Variants in BMPR1A observed in about 807,000 individuals in gnomAD.
BMPR1A encodes bone morphogenetic protein receptor type-1A.
A neutral mutation model predicts 66.0 loss-of-function variants in BMPR1A; 7 were observed. The ratio of observed to expected loss-of-function variants is 0.11; its 90% CI spans 0.06 to 0.20. BMPR1A has a LOEUF of 0.20. Among genes scored for constraint, BMPR1A ranks in the 10% least tolerant of loss-of-function variants. The pLI is 1.00. For missense variants in BMPR1A, 408 were observed against 669.1 expected (o/e 0.61, Z 4.31); for synonymous variants, 200 against 229.7 (o/e 0.87, Z 1.17).
chr10:86,873,268 C>G (rs982203735), intron 2 of BMPR1A, among the ~76,000 whole-genome samples: 2 of 152,008 alleles, frequency 1.3e-5, no homozygotes, highest in African/African-American at 4.8e-5. Flanking sequence ...TTTCTGGTAC[C>G]TAACACTGGG....
At chr10:86,927,987 G>A (rs1450283049), downstream of BMPR1A, 1 of 177,458 alleles carries the variant, frequency 5.6e-6, no homozygotes, top group Non-Finnish European at 1.2e-5. Flanking sequence ...GATGTGTTTT[G>A]TGATGCTACA....
chr10:86,802,273 GCCCTTA>G, intron 1 of BMPR1A, among the ~76,000 whole-genome samples: 1 of 152,260 alleles, frequency 6.6e-6, no homozygotes, highest in South Asian at 2.1e-4. Flanking sequence ...GTTGGCTTCT[GCCCTTA>G]CCCTGAATCC....
intron 2 of BMPR1A, among the ~76,000 whole-genome samples, chr10:86,863,877 G>C (rs1013420275): frequency 2.0e-5 from 3 of 152,182 alleles, no homozygotes; most frequent in Admixed American, 2.0e-4. Context: ...AAGTGGAAAT[G>C]ATTGATTTTT....
chr10:86,893,883 A>AG (rs1843191369), intron 5 of BMPR1A, among the ~76,000 whole-genome samples: 1 of 152,196 alleles, frequency 6.6e-6, no homozygotes, highest in Non-Finnish European at 1.5e-5. Flanking sequence ...CCTTGTTGCA[A>AG]ATGACTGCAA....
chr10:86,760,793 A>G (rs548457254), intron 1 of BMPR1A, among the ~76,000 whole-genome samples: 2 of 152,232 alleles, frequency 1.3e-5, no homozygotes, highest in African/African-American at 4.8e-5. Flanking sequence ...CCCACCTTTT[A>G]CTAGTTTTTA....
Position 86,925,558 on chromosome 10 carries a change from C to T in BMPR1A, c.*1839C>T. On this transcript the variant is annotated 3_prime_UTR_variant, in exon 13 of 13. Coordinates refer to ENST00000372037, the MANE Select transcript of BMPR1A (RefSeq NM_004329.3). Reference sequence around the variant, plus strand: ...AAGTAAATTTGCATATGGATAATACCCAATAACTTGTTTTTTCAGAATTTT... The same window carrying T: ...AAGTAAATTTGCATATGGATAATACTCAATAACTTGTTTTTTCAGAATTTT... 5.0e-6 allele frequency: 1 copy of T among 199,774 alleles called. No individual in the cohort carries two copies. The highest frequency in any genetic ancestry group is 1.0e-5 in the Non-Finnish European group (1 of 97,114). 12.4% of individuals were successfully genotyped at this position (199,774 alleles called of 1,614,324 possible).
intron 7 of BMPR1A, among the ~76,000 whole-genome samples, 185 bp from the exon 8 acceptor site, chr10:86,912,055 A>G (rs1843497620): frequency 6.6e-6 from 1 of 152,188 alleles, no homozygotes; most frequent in African/African-American, 2.4e-5. Flanking sequence ...CTGTTTTAAC[A>G]TGATACATAG....
At chr10:86,806,931 A>T (rs1458937265) in intron 1 of BMPR1A, among the ~76,000 whole-genome samples, 1 of 151,730 alleles carries the variant, frequency 6.6e-6, no homozygotes, top group Non-Finnish European at 1.5e-5. Context: ...TGTCCTTTGG[A>T]TATGGCCTTG....
intron 1 of BMPR1A, among the ~76,000 whole-genome samples, chr10:86,766,925 G>A (rs976519342): frequency 2.0e-5 from 3 of 151,560 alleles, no homozygotes; most frequent in African/African-American, 7.3e-5. Flanking sequence ...CCGGATTCAA[G>A]TGATTCTCCT....
At chr10:86,907,052 T>C (rs1843405087) in intron 7 of BMPR1A, among the ~76,000 whole-genome samples, 1 of 152,212 alleles carries the variant, frequency 6.6e-6, no homozygotes, top group Non-Finnish European at 1.5e-5. Context: ...ATTTTTCTGC[T>C]GAGACTCTCC....
At chr10:86,779,442 A>G (rs993326703) in intron 1 of BMPR1A, among the ~76,000 whole-genome samples, 1 of 151,966 alleles carries the variant, frequency 6.6e-6, no homozygotes. Context: ...CCGTTTGCCC[A>G]TTTGCCCATT....
chr10:86,932,088 G>A (rs1337404535), downstream of BMPR1A: 1 of 152,130 alleles, frequency 6.6e-6, no homozygotes, highest in South Asian at 2.1e-4. Context: ...TGCTAACATT[G>A]CACAATTGCT....
At chr10:86,815,005 T>C in intron 1 of BMPR1A, among the ~76,000 whole-genome samples, 1 of 152,162 alleles carries the variant, frequency 6.6e-6, no homozygotes, top group East Asian at 1.9e-4. Flanking sequence ...AGGCTTGTCT[T>C]GAACTCCTGA....
At position 86,919,408 on chromosome 10, in the gene BMPR1A, C is replaced by G; in HGVS notation, c.1105C>G (p.Leu369Val). 6.2e-7 allele frequency: 1 copy of G among 1,613,224 alleles called. No individual in the cohort carries two copies. The highest frequency in any genetic ancestry group is 8.5e-7 in the Non-Finnish European group (1 of 1,179,842). Residue 369 changes from leucine (L) to valine (V), a missense_variant, in exon 10 of 13, where the codon CTC becomes GTC. This residue lies in a region of BMPR1A where 130 missense variants were observed against 257.3 expected (regional missense o/e 0.51). Coordinates refer to ENST00000372037, the MANE Select transcript of BMPR1A (RefSeq NM_004329.3). ...AHRDLKSKNI[L>V]IKKNGSCCIA... Reference sequence around the variant, plus strand: ...TCGAGACCTAAAGAGCAAAAACATCCTCATCAAGAAAAATGGGAGTTGCTG... The same window carrying G: ...TCGAGACCTAAAGAGCAAAAACATCGTCATCAAGAAAAATGGGAGTTGCTG...
chr10:86,770,152 G>A (rs193215484), intron 1 of BMPR1A, among the ~76,000 whole-genome samples: 21 of 152,338 alleles, frequency 1.4e-4, no homozygotes, highest in African/African-American at 3.8e-4. Context: ...TTAGCTAGGC[G>A]TGGTGGCGGG....
At chr10:86,757,786 G>T (rs1256534380) in intron 1 of BMPR1A, among the ~76,000 whole-genome samples, 1 of 152,164 alleles carries the variant, frequency 6.6e-6, no homozygotes, top group Non-Finnish European at 1.5e-5. Flanking sequence ...TTTAGGGGAA[G>T]AAACCGAGTC....
At chr10:86,860,553 C>T (rs1458784430) in intron 2 of BMPR1A, among the ~76,000 whole-genome samples, 1 of 151,914 alleles carries the variant, frequency 6.6e-6, no homozygotes, top group Non-Finnish European at 1.5e-5. Context: ...GTGGATCACC[C>T]GAGATCAAGA....
At chr10:86,814,933 G>A (rs376826432) in intron 1 of BMPR1A, among the ~76,000 whole-genome samples, 23 of 152,068 alleles carry the variant, frequency 1.5e-4, no homozygotes, top group East Asian at 1.4e-3. Context: ...CTATAGGTGC[G>A]CGCCACCATG....
intron 2 of BMPR1A, chr10:86,855,270 A>G: frequency 9.1e-7 from 1 of 1,098,900 alleles, no homozygotes; most frequent in Admixed American, 2.9e-5. Flanking sequence ...CTGGCCATAC[A>G]AAAACCTCAG....
Sources: gnomAD v4.1 joint callset for allele counts (sites outside exome capture counted in the v4.1 genomes callset) on GRCh38, gnomAD v4.1.1 for gene constraint, gnomAD v4.1.1 regional missense constraint, MANE v1.5 for transcripts, NCBI Gene and HGNC (gene_info 2026-07-23, HGNC 2026-07-21) for gene names.